Variants in LRRC4C observed in about 807,000 individuals in gnomAD.
LRRC4C encodes the protein leucine-rich repeat-containing protein 4C.
In LRRC4C, 5 loss-of-function variants were observed where a neutral mutation model predicts 33.6. The observed-to-expected ratio is 0.15, with a 90% confidence interval of 0.08 to 0.31. LRRC4C has a LOEUF of 0.31. Ranked by LOEUF, LRRC4C falls within the 10% of genes least tolerant of loss-of-function variation. The pLI, the probability that LRRC4C is intolerant of heterozygous loss-of-function variation, is 1.00. For missense variants in LRRC4C, 560 were observed against 796.7 expected, an observed-to-expected ratio of 0.70 and a Z score of 3.58; for synonymous variants, 329 against 302.0, an observed-to-expected ratio of 1.09 and a Z score of -0.93.
chr11:40,733,186 C>G (rs2136811938), intron 2 of LRRC4C, among the ~76,000 whole-genome samples: 1 of 147,372 alleles, frequency 6.8e-6, no homozygotes, highest in African/African-American at 2.5e-5. Flanking sequence ...CGCTATTCTC[C>G]TGCCTCAGCC....
At chr11:41,088,528 G>T (rs1940172743) in intron 1 of LRRC4C, among the ~76,000 whole-genome samples, 1 of 152,016 alleles carries the variant, frequency 6.6e-6, no homozygotes, top group African/African-American at 2.4e-5. Flanking sequence ...TCACCAGGTG[G>T]CTTCCTTGAA....
intron 3 of LRRC4C, among the ~76,000 whole-genome samples, chr11:40,504,585 T>G (rs1954940509): frequency 6.6e-6 from 1 of 152,124 alleles, no homozygotes; most frequent in South Asian, 2.1e-4. Context: ...ACTCATGGAT[T>G]TAAGTTGGGC....
intron 6 of LRRC4C, among the ~76,000 whole-genome samples, chr11:40,130,509 A>C (rs1259033608): frequency 6.6e-6 from 1 of 152,186 alleles, no homozygotes; most frequent in Non-Finnish European, 1.5e-5. Flanking sequence ...ATGGGAGCCT[A>C]GACAATCACA....
At chr11:41,021,921 G>A (rs1856010405) in intron 1 of LRRC4C, among the ~76,000 whole-genome samples, 1 of 151,712 alleles carries the variant, frequency 6.6e-6, no homozygotes, top group African/African-American at 2.4e-5. Context: ...CACTAATAAG[G>A]GCTTCCTTGC....
chr11:40,951,843 T>C (rs1260268455), intron 1 of LRRC4C, among the ~76,000 whole-genome samples: 3 of 151,880 alleles, frequency 2.0e-5, no homozygotes, highest in African/African-American at 7.3e-5. Context: ...AGCACATAGT[T>C]TCTGGAAGTT....
intron 1 of LRRC4C, among the ~76,000 whole-genome samples, chr11:41,138,251 G>A (rs990960123): frequency 3.3e-5 from 5 of 152,224 alleles, no homozygotes; most frequent in African/African-American, 1.2e-4. Context: ...GACCAGTCAA[G>A]TTTCAGTGTC....
At chr11:40,931,196 A>G (rs1957604380) in intron 2 of LRRC4C, among the ~76,000 whole-genome samples, 1 of 152,182 alleles carries the variant, frequency 6.6e-6, no homozygotes, top group African/African-American at 2.4e-5. Context: ...TTGAGTTTGC[A>G]GAAAATGAAG....
At chr11:41,369,967 T>C (rs1952683885) in intron 1 of LRRC4C, among the ~76,000 whole-genome samples, 1 of 152,190 alleles carries the variant, frequency 6.6e-6, no homozygotes, top group Non-Finnish European at 1.5e-5. Context: ...TGCAAATATA[T>C]AGAAACAAAA....
At chr11:40,685,830 G>A (rs1402831761) in intron 2 of LRRC4C, among the ~76,000 whole-genome samples, 2 of 151,910 alleles carry the variant, frequency 1.3e-5, no homozygotes, top group Non-Finnish European at 1.5e-5. Context: ...CACAGAGAGA[G>A]AGAGGAAGAA....
intron 3 of LRRC4C, among the ~76,000 whole-genome samples, chr11:40,472,031 C>A (rs111971970): frequency 2.0e-4 from 30 of 151,938 alleles, no homozygotes; most frequent in African/African-American, 7.3e-4. Flanking sequence ...CAAGGTGGCT[C>A]GCACCTGTAA....
At chr11:40,222,095 C>T (rs1864463968) in intron 5 of LRRC4C, among the ~76,000 whole-genome samples, 1 of 152,086 alleles carries the variant, frequency 6.6e-6, no homozygotes, top group African/African-American at 2.4e-5. Context: ...ACTGTACCTA[C>T]TTACCATGTT....
intron 1 of LRRC4C, among the ~76,000 whole-genome samples, chr11:41,249,002 T>C (rs1948543463): frequency 6.6e-6 from 1 of 152,092 alleles, no homozygotes; most frequent in African/African-American, 2.4e-5. Flanking sequence ...CTTCTCACTA[T>C]AGCCACTGTT....
rs1554934483 is a variant in LRRC4C at position 41,448,122 on chromosome 11, G to GGTTTTTTTTTTTTTT, written c.-496+11308_-496+11309insAAAAAAAAAAAAAAC. 1.2e-3 allele frequency among the ~76,000 whole-genome samples: 56 copies of GGTTTTTTTTTTTTTT among 46,934 alleles called. 4 individuals carry two copies. Among genetic ancestry groups the GGTTTTTTTTTTTTTT allele is most frequent in the Non-Finnish European group, 2.0e-3 (45 of 22,910 alleles). 30.8% of individuals were successfully genotyped at this position (46,934 alleles called of 152,430 possible). A position where few individuals can be genotyped will look rare whatever the true frequency, so the allele number is the denominator to read the frequency against. ...ACAAACGAGGCTGCTGCACACGTCT[G>GGTTTTTTTTTTTTTT]TTTTTTTTTTTTTTTTTTTTGGAGC... is the stretch of plus-strand genomic sequence containing the variant. On this transcript the variant is annotated intron_variant, in intron 1 of 6. Coordinates refer to ENST00000528697, the MANE Select transcript of LRRC4C (RefSeq NM_001258419.2).
intron 3 of LRRC4C, among the ~76,000 whole-genome samples, chr11:40,349,019 T>C (rs544651863): frequency 6.6e-6 from 1 of 152,318 alleles, no homozygotes; most frequent in South Asian, 2.1e-4. Context: ...TGCATAATAA[T>C]CATATCAGGG....
chr11:41,427,743 G>C (rs966937165), intron 1 of LRRC4C, among the ~76,000 whole-genome samples: 2 of 152,102 alleles, frequency 1.3e-5, no homozygotes, highest in African/African-American at 4.8e-5. Context: ...ATGGCCTGAA[G>C]TAACTGAAGA....
chr11:41,291,683 G>T (rs1033870986), intron 1 of LRRC4C, among the ~76,000 whole-genome samples: 7 of 152,064 alleles, frequency 4.6e-5, no homozygotes, highest in African/African-American at 1.7e-4. Flanking sequence ...TTCCAAAATG[G>T]CAAAGAGCAT....
chr11:41,186,454 T>G (rs2136186952), intron 1 of LRRC4C, among the ~76,000 whole-genome samples: 1 of 152,230 alleles, frequency 6.6e-6, no homozygotes, highest in Admixed American at 6.5e-5. Context: ...TCAGAAAACT[T>G]GAAAGTGAAA....
At chr11:40,415,809 G>T (rs1197157143) in intron 3 of LRRC4C, among the ~76,000 whole-genome samples, 1 of 152,120 alleles carries the variant, frequency 6.6e-6, no homozygotes, top group Admixed American at 6.6e-5. Context: ...TGAAAGTAGA[G>T]AGTGTGGATA....
chr11:40,336,156 C>T (rs534905355), intron 3 of LRRC4C, among the ~76,000 whole-genome samples: 1 of 152,162 alleles, frequency 6.6e-6, no homozygotes, highest in Non-Finnish European at 1.5e-5. Context: ...AAAATCCCTG[C>T]CTGCATGAAA....
Sources: allele counts gnomAD v4.1 joint callset (sites outside exome capture counted in the v4.1 genomes callset), GRCh38; gene constraint gnomAD v4.1.1; transcripts MANE v1.5; gene names NCBI Gene and HGNC (gene_info 2026-07-23, HGNC 2026-07-21).